Variants in PGM1 observed in about 807,000 individuals in gnomAD.
PGM1 encodes phosphoglucomutase-1.
In PGM1, 52 loss-of-function variants were observed where a neutral mutation model predicts 55.6. The ratio of observed to expected loss-of-function variants is 0.94; its 90% confidence interval spans 0.75 to 1.18. The LOEUF (loss-of-function observed/expected upper bound fraction) is 1.18, where lower values mean the gene tolerates loss of function less well. Ranked by LOEUF, PGM1 falls within the 50% of genes most tolerant of loss-of-function variation. PGM1 has a pLI of 0.00. For missense variants in PGM1, 724 were observed against 729.3 expected, an observed-to-expected ratio of 0.99 and a Z score of 0.08; for synonymous variants, 287 against 271.7, an observed-to-expected ratio of 1.06 and a Z score of -0.55.
At position 63,593,669 on chromosome 1, in the gene PGM1, G is replaced by T; in HGVS notation, c.181G>T (p.Gly61Trp). 1 of 1,606,608 alleles carries T rather than the reference G, an allele frequency of 6.2e-7. No individual in the cohort carries two copies. The highest frequency in any genetic ancestry group is 8.5e-7 in the Non-Finnish European group (1 of 1,177,244). The change falls in exon 1 of 11, where the codon GGG (glycine) becomes TGG (tryptophan). Residue 61 changes from glycine to tryptophan, a missense_variant. By Grantham distance (184) the Gly-to-Trp change is radical. Coordinates refer to ENST00000371084, the MANE Select transcript of PGM1 (RefSeq NM_002633.3). ...GCAGGAGGCCACGCTGGTGGTGGGC[G>T]GGGACGGCCGGTTCTACATGAAGGA... ...QRQEATLVVG[G>W]DGRFYMKEAI...
intron 1 of PGM1, among the ~76,000 whole-genome samples, chr1:63,613,865 C>G (rs1487013185): frequency 6.6e-6 from 1 of 152,052 alleles, no homozygotes; most frequent in Non-Finnish European, 1.5e-5. Flanking sequence ...GATCTATTTC[C>G]TCTTAATTTT....
chr1:63,654,282 C>A, intron 9 of PGM1, 50 bp from the exon 10 acceptor site: 1 of 1,604,396 alleles, frequency 6.2e-7, no homozygotes, highest in African/African-American at 1.3e-5. Context: ...ATTTGCCAGC[C>A]TTCAGTCTCC....
At position 63,654,472 on chromosome 1, in the gene PGM1, G is replaced by T. The variant is rs141133249; in HGVS notation, c.1599+6G>T. On this transcript the variant is annotated splice_donor_region_variant and intron_variant, in intron 10 of 10. Coordinates refer to ENST00000371084, the MANE Select transcript of PGM1 (RefSeq NM_002633.3). ...AGATTAACCAGGACCCCCAGGTAAC[G>T]CCCAGCCCTGTGCCCTGGTTAGTTC... The T allele has an allele frequency of 4.5e-5, 73 of 1,613,702 alleles. No homozygotes were observed. In the African/African-American group the frequency reaches 7.5e-4, roughly 16 times the overall value.
At chr1:63,620,647 T>G (rs1443327905) in intron 1 of PGM1, among the ~76,000 whole-genome samples, 2 of 152,216 alleles carry the variant, frequency 1.3e-5, no homozygotes, top group East Asian at 1.9e-4. Context: ...CTACGGTTTC[T>G]GCTATGCTCT....
chr1:63,615,035 G>GTT, intron 1 of PGM1, among the ~76,000 whole-genome samples: 1 of 152,308 alleles, frequency 6.6e-6, no homozygotes, highest in South Asian at 2.1e-4. Context: ...GAGCCCAGTG[G>GTT]TTACAGCAGG....
At chr1:63,602,832 T>G (rs1648282899) in intron 1 of PGM1, among the ~76,000 whole-genome samples, 1 of 152,080 alleles carries the variant, frequency 6.6e-6, no homozygotes, top group Non-Finnish European at 1.5e-5. Context: ...TGCTTGGGAC[T>G]TAAGGTGAAG....
chr1:63,657,070 C>CAAG (rs1649987934), intron 10 of PGM1, among the ~76,000 whole-genome samples: 1 of 152,100 alleles, frequency 6.6e-6, no homozygotes, highest in African/African-American at 2.4e-5. Flanking sequence ...ATTTGTATAT[C>CAAG]AAGACATCAT....
intron 1 of PGM1, among the ~76,000 whole-genome samples, chr1:63,613,116 A>G (rs1648611604): frequency 1.3e-5 from 2 of 152,080 alleles, no homozygotes; most frequent in South Asian, 4.1e-4. Context: ...AGCATGGCCC[A>G]TGCAGGGTTA....
At chr1:63,635,806 G>A (rs940650472) in intron 5 of PGM1, among the ~76,000 whole-genome samples, 10 of 152,288 alleles carry the variant, frequency 6.6e-5, no homozygotes, top group African/African-American at 2.4e-4. Flanking sequence ...CCCAGTTACT[G>A]TGGTACACAG....
At chr1:63,603,391 G>A (rs1011063387) in intron 1 of PGM1, among the ~76,000 whole-genome samples, 5 of 152,312 alleles carry the variant, frequency 3.3e-5, no homozygotes, top group African/African-American at 2.4e-5. Context: ...AGGGAAGTGC[G>A]GAGATCTTGC....
At chr1:63,637,714 G>A (rs1404792174) in intron 6 of PGM1, among the ~76,000 whole-genome samples, 1 of 152,136 alleles carries the variant, frequency 6.6e-6, no homozygotes, top group Non-Finnish European at 1.5e-5. Flanking sequence ...TCATATGTTA[G>A]GCCTGTCAGG....
chr1:63,646,024 AAG>A (rs933642683), intron 7 of PGM1, among the ~76,000 whole-genome samples: 1 of 152,188 alleles, frequency 6.6e-6, no homozygotes, highest in African/African-American at 2.4e-5. Context: ...CAGGAGAAGA[AAG>A]AGAAGGGAGT....
intron 1 of PGM1, among the ~76,000 whole-genome samples, chr1:63,599,415 C>T (rs989009670): frequency 2.0e-5 from 3 of 151,990 alleles, no homozygotes; most frequent in African/African-American, 4.8e-5. Context: ...CCGCCCGCCT[C>T]GGCCTCACAA....
intron 1 of PGM1, chr1:63,594,138 AG>A: frequency 1.0e-6 from 1 of 997,376 alleles, no homozygotes; most frequent in Non-Finnish European, 1.2e-6. Context: ...CGCCTTAAGC[AG>A]GAAAGGTTAG....
intron 1 of PGM1, among the ~76,000 whole-genome samples, chr1:63,620,032 C>T (rs981611933): frequency 2.0e-5 from 3 of 152,170 alleles, no homozygotes; most frequent in African/African-American, 7.2e-5. Flanking sequence ...GATAATCTAC[C>T]TTATACCAGG....
intron 1 of PGM1, among the ~76,000 whole-genome samples, chr1:63,625,318 G>C (rs1184534686): frequency 6.6e-6 from 1 of 152,148 alleles, no homozygotes; most frequent in African/African-American, 2.4e-5. Flanking sequence ...AGAGCTGTTG[G>C]CAGCCCAAGC....
At chr1:63,649,170 A>G (rs1458549168) in intron 8 of PGM1, among the ~76,000 whole-genome samples, 4 of 152,228 alleles carry the variant, frequency 2.6e-5, no homozygotes, top group Non-Finnish European at 4.4e-5. Context: ...CTTAGTCCAC[A>G]TCGACTTTTC....
chr1:63,634,807 A>T lies in PGM1; in HGVS notation c.683-22A>T, dbSNP rs6588052. 0.38 allele frequency: 615,771 copies of T among 1,600,438 alleles called. 122,672 individuals carry two copies. The highest frequency in any genetic ancestry group is 0.63 in the East Asian group (28,086 of 44,792). On this transcript the variant is annotated intron_variant, in intron 4 of 10. Transcript: ENST00000371084. ...AGTTTTATTTTCTGATTCTGCATAC[A>T]TTTATTCCATGCTGTATATAGTTGT...
At chr1:63,635,315 C>T (rs1178009009) in intron 5 of PGM1, among the ~76,000 whole-genome samples, 8 of 152,094 alleles carry the variant, frequency 5.3e-5, no homozygotes, top group Non-Finnish European at 7.4e-5. Flanking sequence ...TTCTAGATGC[C>T]TGTCTTAAGG....
Sources: gnomAD v4.1 joint callset for allele counts (sites outside exome capture counted in the v4.1 genomes callset) on GRCh38, gnomAD v4.1.1 for gene constraint, MANE v1.5 for transcripts, NCBI Gene and HGNC (gene_info 2026-07-23, HGNC 2026-07-21) for gene names.